RAD54L2: variants seen among roughly 807,000 people sequenced by gnomAD.
The protein encoded by RAD54L2 is helicase ARIP4.
Under a neutral mutation model 138.4 loss-of-function variants are expected in RAD54L2, and 27 were observed. The ratio of observed to expected loss-of-function variants is 0.20; its 90% CI spans 0.14 to 0.27. The LOEUF (loss-of-function observed/expected upper bound fraction) is 0.27, where lower values mean the gene tolerates loss of function less well. RAD54L2 is among the 10% of genes least tolerant of loss of function. The pLI, the probability that RAD54L2 is intolerant of heterozygous loss-of-function variation, is 1.00. For synonymous variants in RAD54L2, 644 were observed against 723.2 expected (o/e 0.89, Z 1.76); for missense variants, 1,396 against 1,890.2 (o/e 0.74, Z 4.85).
chr3:51,650,912 C>A (rs1701413831), intron 19 of RAD54L2, among the ~76,000 whole-genome samples: 1 of 152,088 alleles, frequency 6.6e-6, no homozygotes, highest in South Asian at 2.1e-4. Flanking sequence ...CAAAAGCTAG[C>A]AGAAGGCAAG....
At chr3:51,572,942 G>A (rs1699371970) in intron 2 of RAD54L2, among the ~76,000 whole-genome samples, 1 of 151,938 alleles carries the variant, frequency 6.6e-6, no homozygotes, top group Admixed American at 6.6e-5. Context: ...CTGGCAAAAG[G>A]TGCTATAAAT....
At chr3:51,553,269 A>G (rs905211232) in intron 2 of RAD54L2, among the ~76,000 whole-genome samples, 1 of 151,912 alleles carries the variant, frequency 6.6e-6, no homozygotes, top group African/African-American at 2.4e-5. Flanking sequence ...GTAGAGATGG[A>G]GTTTCACCAT....
chr3:51,654,195 A>C (rs1701533279), intron 19 of RAD54L2, among the ~76,000 whole-genome samples: 1 of 151,958 alleles, frequency 6.6e-6, no homozygotes, highest in Admixed American at 6.6e-5. Flanking sequence ...TTATAGGTGC[A>C]CACCACCACG....
chr3:51,636,880 C>T (rs569208488), intron 10 of RAD54L2, among the ~76,000 whole-genome samples: 24 of 151,918 alleles, frequency 1.6e-4, no homozygotes, highest in Non-Finnish European at 3.2e-4. Context: ...TTGCAGTGAG[C>T]GGAGATTGCG....
intron 2 of RAD54L2, among the ~76,000 whole-genome samples, chr3:51,543,747 G>A (rs577314768): frequency 1.1e-3 from 167 of 151,672 alleles, no homozygotes; most frequent in African/African-American, 4.0e-3. Context: ...TTTTTCCTCT[G>A]CCACATTTAC....
chr3:51,568,460 A>ACTCAAATGC (rs1699264475), intron 2 of RAD54L2, among the ~76,000 whole-genome samples: 1 of 152,048 alleles, frequency 6.6e-6, no homozygotes, highest in African/African-American at 2.4e-5. Flanking sequence ...TAACCCTCCT[A>ACTCAAATGC]CTCAAATGCA....
At chr3:51,634,174 T>C in intron 9 of RAD54L2, 139 bp downstream of exon 9, 1 of 1,153,844 alleles carries the variant, frequency 8.7e-7, no homozygotes, top group East Asian at 2.5e-5. Flanking sequence ...CTTTCTCTGT[T>C]CTTGCTACTC....
At chr3:51,542,958 A>G (rs1175920328) in intron 2 of RAD54L2, among the ~76,000 whole-genome samples, 4 of 152,134 alleles carry the variant, frequency 2.6e-5, no homozygotes, top group African/African-American at 7.2e-5. Context: ...ATTGTGTTCT[A>G]TATGGCCCCT....
rs1701911091 is a variant in RAD54L2 at position 51,666,280 on chromosome 3, A to G, written c.*2860A>G. Reference sequence around the variant, plus strand: ...TATATGTGCTGATAGGCAAATGTGCATGCACACCAAACATAAGCATGTTTG... The same window carrying G: ...TATATGTGCTGATAGGCAAATGTGCGTGCACACCAAACATAAGCATGTTTG... On this transcript the variant is annotated 3_prime_UTR_variant, in exon 23 of 23. Transcript: ENST00000684192. The G allele has an allele frequency of 6.9e-6, 1 of 144,482 alleles. No homozygotes were observed. The highest frequency in any genetic ancestry group is 1.5e-5 in the Non-Finnish European group (1 of 67,164). 9.0% of individuals were successfully genotyped at this position (144,482 alleles called of 1,614,324 possible).
chr3:51,643,541 G>A (rs984874627), intron 15 of RAD54L2, among the ~76,000 whole-genome samples: 12 of 152,232 alleles, frequency 7.9e-5, no homozygotes, highest in Admixed American at 3.9e-4. Context: ...GGCTGAGGCA[G>A]AGAGGTCACC....
chr3:51,624,178 T>G (rs2106785026), intron 3 of RAD54L2, among the ~76,000 whole-genome samples: 1 of 151,814 alleles, frequency 6.6e-6, no homozygotes, highest in South Asian at 2.1e-4. Flanking sequence ...TTTTTAAATA[T>G]AGTGTTTACT....
chr3:51,663,469 C>A lies in RAD54L2; in HGVS notation c.*49C>A. The A allele has an allele frequency of 1.3e-6, 2 of 1,569,890 alleles. No homozygotes were observed. Among genetic ancestry groups the A allele is most frequent in the Non-Finnish European group, 1.7e-6 (2 of 1,152,952 alleles). Reference sequence around the variant, plus strand: ...CTTGGGGCCCCCAGCAGGTTGCCCACCAAGCTGAAAGGCAGTGATTTAGAC... The same window carrying A: ...CTTGGGGCCCCCAGCAGGTTGCCCAACAAGCTGAAAGGCAGTGATTTAGAC... On this transcript the variant is annotated 3_prime_UTR_variant, in exon 23 of 23. Coordinates refer to ENST00000684192, the MANE Select transcript of RAD54L2 (RefSeq NM_015106.4).
At chr3:51,641,250 C>T (rs973024885) in intron 14 of RAD54L2, among the ~76,000 whole-genome samples, 3 of 152,064 alleles carry the variant, frequency 2.0e-5, no homozygotes, top group Non-Finnish European at 4.4e-5. Context: ...AGGTGATCCG[C>T]CCGCCTCGGC....
rs1701910346 is a variant in RAD54L2 at position 51,666,245 on chromosome 3, A to G, written c.*2825A>G. On this transcript the variant is annotated 3_prime_UTR_variant, in exon 23 of 23. Coordinates refer to ENST00000684192, the MANE Select transcript of RAD54L2 (RefSeq NM_015106.4). ...ACCTGAAAACACTTCTGACTTTTCC[A>G]CTGTCTCTTTATATGTGCTGATAGG... 1 of 118,570 alleles carries G rather than the reference A, an allele frequency of 8.4e-6. No individual in the cohort carries two copies. Among genetic ancestry groups the G allele is most frequent in the Non-Finnish European group, 1.6e-5 (1 of 62,606 alleles). 7.3% of individuals were successfully genotyped at this position (118,570 alleles called of 1,614,324 possible).
At chr3:51,636,823 C>T (rs2106809156) in intron 10 of RAD54L2, among the ~76,000 whole-genome samples, 1 of 152,268 alleles carries the variant, frequency 6.6e-6, no homozygotes, top group Non-Finnish European at 1.5e-5. Context: ...ATCCCAGCTA[C>T]TTGGGAGGCT....
In RAD54L2 at chr3:51,662,936, C is replaced by T; in HGVS notation, c.3920C>T (p.Thr1307Ile). ...GTCTCCTTAAACCATAACCTCACCA[C>T]CCCCTTCACCTCCCAGGCTGGGGAG... The part of the protein sequence containing the change: ...PPVSLNHNLT[T>I]PFTSQAGENS... Residue 1307 changes from threonine to isoleucine, a missense_variant, in exon 23 of 23, where the codon ACC (threonine) becomes ATC (isoleucine). Physicochemically the swap from Thr to Ile is moderately conservative, Grantham distance 89. This residue lies in a region of RAD54L2 where 634 missense variants were observed against 711.2 expected (regional missense o/e 0.89). Transcript: ENST00000684192. This position sits in a 1 kb window ranked among gnomAD's most constrained non-coding sequence, Gnocchi z 4.6. 1 of 1,613,878 alleles carries T rather than the reference C, an allele frequency of 6.2e-7. No individual in the cohort carries two copies. Among genetic ancestry groups the T allele is most frequent in the South Asian group, 1.1e-5 (1 of 91,074 alleles).
intron 2 of RAD54L2, among the ~76,000 whole-genome samples, chr3:51,555,841 A>G (rs745701774): frequency 1.3e-5 from 2 of 152,226 alleles, no homozygotes; most frequent in Admixed American, 1.3e-4. Context: ...ACTTATGTCA[A>G]CTTCGGTGAT....
intron 3 of RAD54L2, among the ~76,000 whole-genome samples, chr3:51,611,937 C>G (rs1426395604): frequency 6.6e-6 from 1 of 152,114 alleles, no homozygotes; most frequent in African/African-American, 2.4e-5. Flanking sequence ...TCTCTGGTCC[C>G]TGGGCGGTAG....
chr3:51,579,294 G>C (rs960752036), intron 2 of RAD54L2, among the ~76,000 whole-genome samples: 1 of 151,952 alleles, frequency 6.6e-6, no homozygotes, highest in Admixed American at 6.6e-5. Flanking sequence ...GGGGCAGGGC[G>C]GGCCATGGGT....
Sources: allele counts gnomAD v4.1 joint callset (sites outside exome capture counted in the v4.1 genomes callset), GRCh38; gene constraint gnomAD v4.1.1; regional missense constraint gnomAD v4.1.1; non-coding constraint Gnocchi (gnomAD v3.1); transcripts MANE v1.5; gene names NCBI Gene and HGNC (gene_info 2026-07-23, HGNC 2026-07-21).